Variants in IL18R1 observed in about 807,000 individuals in gnomAD.
IL18R1 encodes the protein interleukin 18 receptor 1.
IL18R1 carries 40 observed loss-of-function variants against 48.5 expected under a neutral mutation model. That is an observed-to-expected ratio of 0.82 (90% CI 0.64 to 1.07). IL18R1 has a LOEUF of 1.07. Among genes scored for constraint, IL18R1 ranks in the 50% least tolerant of loss-of-function variants. The probability of loss-of-function intolerance (pLI) is 0.00; values close to 1 mark genes in which losing one functional copy is unlikely to be tolerated. For synonymous variants in IL18R1, 232 were observed against 225.9 expected, an observed-to-expected ratio of 1.03 and a Z score of -0.24; for missense variants, 596 against 633.7, an observed-to-expected ratio of 0.94 and a Z score of 0.64.
chr2:102,379,930 A>G (rs1340315107), intron 5 of IL18R1, among the ~76,000 whole-genome samples: 1 of 152,116 alleles, frequency 6.6e-6, no homozygotes, highest in African/African-American at 2.4e-5. Context: ...AGGCCTTCCA[A>G]TGTCGTTGAG....
chr2:102,370,703 C>G (rs989363176), intron 3 of IL18R1, among the ~76,000 whole-genome samples: 10 of 152,220 alleles, frequency 6.6e-5, no homozygotes, highest in African/African-American at 2.4e-4. Context: ...AGTGTGTGGC[C>G]TGAGTGAGTT....
At chr2:102,379,175 G>C (rs1679770476) in intron 5 of IL18R1, among the ~76,000 whole-genome samples, 2 of 152,204 alleles carry the variant, frequency 1.3e-5, no homozygotes, top group Admixed American at 1.3e-4. Flanking sequence ...CGGGTGTGGT[G>C]GCTCATGCTG....
rs748822000 is a variant in IL18R1 at position 102,382,023 on chromosome 2, A to G, written c.688+341A>G. Among the ~76,000 whole-genome samples the G allele has an allele frequency of 1.0e-3, 158 of 152,284 alleles. 3 individuals are homozygous for G. Among genetic ancestry groups the G allele is most frequent in the Admixed American group, 3.6e-3 (55 of 15,304 alleles). The stretch of plus-strand genomic sequence containing the variant: ...CATGGTGGCTCACGCCTGTAATCCC[A>G]GCACTTTGGGAGGCCGAGGCAGGTG... On this transcript the variant is annotated intron_variant, in intron 6 of 10. Transcript: ENST00000233957.
chr2:102,382,962 C>T (rs1159751631), intron 6 of IL18R1, among the ~76,000 whole-genome samples: 1 of 152,124 alleles, frequency 6.6e-6, no homozygotes, highest in Non-Finnish European at 1.5e-5. Flanking sequence ...CCAAGTTTCC[C>T]TGTAAACACT....
intron 3 of IL18R1, among the ~76,000 whole-genome samples, chr2:102,371,427 A>G (rs932738039): frequency 1.3e-5 from 2 of 152,210 alleles, no homozygotes; most frequent in Non-Finnish European, 2.9e-5. Flanking sequence ...AGCTAATTCA[A>G]TTACACTGAG....
At position 102,367,994 on chromosome 2, in the gene IL18R1, T is replaced by G. The variant is rs1243163285; in HGVS notation, c.228T>G (p.Ile76Met). ...TGAACCCAAGGAGTTCCTCGAGAAT[T>G]GCTTTGCATGATTGTGTTTTGGAGT... ...VELNPRSSSR[I>M]ALHDCVLEFW... Residue 76 changes from isoleucine (I) to methionine (M), a missense_variant, in exon 3 of 11, where the codon ATT becomes ATG. Coordinates refer to ENST00000233957, the MANE Select transcript of IL18R1 (RefSeq NM_003855.5). The G allele has an allele frequency of 6.2e-7, 1 of 1,614,230 alleles. No individual in the cohort carries two copies.
intron 2 of IL18R1, among the ~76,000 whole-genome samples, chr2:102,364,502 G>T (rs1029219846): frequency 4.6e-5 from 7 of 152,134 alleles, no homozygotes; most frequent in Non-Finnish European, 1.0e-4. Flanking sequence ...TGACTCACCA[G>T]GGTTTTGCAT....
chr2:102,397,964 A>G lies in IL18R1; in HGVS notation c.*1078A>G, dbSNP rs1022752907. On this transcript the variant is annotated 3_prime_UTR_variant, in exon 11 of 11. Transcript: ENST00000233957. ...AATGAATAAATATAATAAAGTACTT[A>G]CAGTGGTTCCTGACACAGACTCAGC... 6.6e-6 allele frequency: 1 copy of G among 152,214 alleles called. No individual in the cohort carries two copies. Among genetic ancestry groups the G allele is most frequent in the Non-Finnish European group, 1.5e-5 (1 of 68,030 alleles). The allele number at this position is 152,214 out of a possible 1,614,324, so 9.4% of individuals were successfully genotyped here. A position where few individuals can be genotyped will look rare whatever the true frequency, so the allele number is the denominator to read the frequency against.
At chr2:102,387,294 C>T (rs1421444531) in intron 8 of IL18R1, among the ~76,000 whole-genome samples, 1 of 152,164 alleles carries the variant, frequency 6.6e-6, no homozygotes, top group Non-Finnish European at 1.5e-5. Context: ...GGGAGGCCAT[C>T]AGGACAACCC....
chr2:102,388,428 G>C (rs1436060401), intron 8 of IL18R1, among the ~76,000 whole-genome samples: 4 of 152,222 alleles, frequency 2.6e-5, no homozygotes, highest in African/African-American at 9.7e-5. Flanking sequence ...ACCTTCTGCA[G>C]GGCTTGTCGC....
intron 9 of IL18R1, among the ~76,000 whole-genome samples, chr2:102,393,398 C>T (rs1390216033): frequency 6.6e-6 from 1 of 152,196 alleles, no homozygotes; most frequent in Non-Finnish European, 1.5e-5. Flanking sequence ...AAAGCAATTG[C>T]TTTAAATCAA....
At chr2:102,364,831 A>G (rs1398137615) in intron 2 of IL18R1, among the ~76,000 whole-genome samples, 1 of 152,158 alleles carries the variant, frequency 6.6e-6, no homozygotes, top group Non-Finnish European at 1.5e-5. Flanking sequence ...CCTTCTTCAC[A>G]TGGTGGCATC....
At chr2:102,368,192 A>T in intron 3 of IL18R1, 124 bp downstream of exon 3, 1 of 1,031,366 alleles carries the variant, frequency 9.7e-7, no homozygotes, top group East Asian at 2.4e-5. Flanking sequence ...TACTCTTCCT[A>T]TGACATGAAA....
chr2:102,386,772 C>A, intron 7 of IL18R1, 89 bp from the exon 8 acceptor site: 1 of 1,302,980 alleles, frequency 7.7e-7, no homozygotes, highest in Non-Finnish European at 1.1e-6. Context: ...GGCAACATCA[C>A]AGCTGCCTTC....
chr2:102,355,828 C>T lies in IL18R1; in HGVS notation c.-601C>T, dbSNP rs2105012167. ...GCGCCGCGCGGCTGGGCAGGAAGCGCCAGACGCCTGGGGCCCACGCCGTCC... is the reference window on the plus strand; with the variant it reads ...GCGCCGCGCGGCTGGGCAGGAAGCGTCAGACGCCTGGGGCCCACGCCGTCC... On this transcript the variant is annotated 5_prime_UTR_variant, in exon 1 of 11. Transcript: ENST00000233957. The T allele has an allele frequency of 6.6e-6, 1 of 152,396 alleles. No homozygotes were observed. The highest frequency in any genetic ancestry group is 1.9e-4 in the East Asian group (1 of 5,170). The allele number at this position is 152,396 out of a possible 1,614,324, so 9.4% of individuals were successfully genotyped here. A position where few individuals can be genotyped will look rare whatever the true frequency, so the allele number is the denominator to read the frequency against.
At chr2:102,367,025 A>C (rs1393282537) in intron 2 of IL18R1, among the ~76,000 whole-genome samples, 2 of 152,218 alleles carry the variant, frequency 1.3e-5, no homozygotes, top group African/African-American at 2.4e-5. Context: ...AAATGTGGTA[A>C]AAGTGCACCC....
Position 102,397,993 on chromosome 2 carries a change from C to T in IL18R1, c.*1107C>T, listed in dbSNP as rs1391818181. On this transcript the variant is annotated 3_prime_UTR_variant, in exon 11 of 11. Transcript: ENST00000233957. ...TGGTTCCTGACACAGACTCAGCACT[C>T]CGTCAGTGTTGCCATGACTATTTTT... 1 of 152,190 alleles carries T rather than the reference C, an allele frequency of 6.6e-6. No individual in the cohort carries two copies. Among genetic ancestry groups the T allele is most frequent in the Non-Finnish European group, 1.5e-5 (1 of 68,042 alleles). The allele number at this position is 152,190 out of a possible 1,614,324, so 9.4% of individuals were successfully genotyped here. A position where few individuals can be genotyped will look rare whatever the true frequency, so the allele number is the denominator to read the frequency against.
At chr2:102,372,721 G>C (rs1238604276) in intron 4 of IL18R1, among the ~76,000 whole-genome samples, 1 of 151,894 alleles carries the variant, frequency 6.6e-6, no homozygotes, top group Non-Finnish European at 1.5e-5. Context: ...TCTAAACATG[G>C]GCTTTCAGTT....
At chr2:102,367,251 T>G (rs1420137748) in intron 2 of IL18R1, among the ~76,000 whole-genome samples, 1 of 152,218 alleles carries the variant, frequency 6.6e-6, no homozygotes, top group Non-Finnish European at 1.5e-5. Flanking sequence ...ATTATCCACA[T>G]GGTGACCTAC....
Sources: gnomAD v4.1 joint callset for allele counts (sites outside exome capture counted in the v4.1 genomes callset) on GRCh38, gnomAD v4.1.1 for gene constraint, MANE v1.5 for transcripts, NCBI Gene and HGNC (gene_info 2026-07-23, HGNC 2026-07-21) for gene names.